EHMT1: variants seen among roughly 807,000 people sequenced by gnomAD.
The protein encoded by EHMT1 is euchromatic histone lysine methyltransferase 1, also known as histone-lysine N-methyltransferase EHMT1.
In EHMT1, 15 loss-of-function variants were observed where a neutral mutation model predicts 147.2. The ratio of observed to expected loss-of-function variants is 0.10; its 90% confidence interval spans 0.07 to 0.16. EHMT1 has a LOEUF of 0.16. Among genes scored for constraint, EHMT1 ranks in the 10% least tolerant of loss-of-function variants. The probability of loss-of-function intolerance (pLI) is 1.00; values close to 1 mark genes in which losing one functional copy is unlikely to be tolerated. For missense variants in EHMT1, 1,587 were observed against 1,772.4 expected, an observed-to-expected ratio of 0.90 and a Z score of 1.88; for synonymous variants, 795 against 709.6, an observed-to-expected ratio of 1.12 and a Z score of -1.91.
At chr9:137,697,831 C>T (rs371934130) in intron 1 of EHMT1, among the ~76,000 whole-genome samples, 5 of 152,316 alleles carry the variant, frequency 3.3e-5, no homozygotes, top group South Asian at 4.1e-4. Flanking sequence ...TTAAGTTTTC[C>T]GTTCAGATGA....
chr9:137,681,737 G>A (rs952328363), intron 1 of EHMT1, among the ~76,000 whole-genome samples: 8 of 152,050 alleles, frequency 5.3e-5, no homozygotes, highest in African/African-American at 1.9e-4. Flanking sequence ...CCTCTGGATC[G>A]CACACACTCA....
intron 2 of EHMT1, among the ~76,000 whole-genome samples, chr9:137,714,247 C>T (rs1944999024): frequency 6.6e-6 from 1 of 152,138 alleles, no homozygotes; most frequent in African/African-American, 2.4e-5. Context: ...CGGGTTTCAC[C>T]TTTAAGTGTG....
chr9:137,781,759 A>AG (rs1951573512), intron 14 of EHMT1, among the ~76,000 whole-genome samples: 2 of 152,214 alleles, frequency 1.3e-5, no homozygotes, highest in Admixed American at 6.5e-5. Flanking sequence ...AGTAAAAAGA[A>AG]GTGAAACTAT....
rs200193532 is a variant in EHMT1 at position 137,742,289 on chromosome 9, T to G, written c.824-1082T>G. 9.8e-3 allele frequency among the ~76,000 whole-genome samples: 1,329 copies of G among 135,204 alleles called. 33 individuals carry two copies. Among genetic ancestry groups the G allele is most frequent in the African/African-American group, 0.037 (1,262 of 34,484 alleles). The allele number at this position is 135,204 out of a possible 152,430, so 88.7% of individuals were successfully genotyped here. On this transcript the variant is annotated intron_variant, in intron 4 of 26. Transcript: ENST00000460843. Reference sequence around the variant, plus strand: ...GCTTCTGCACTTTGTAGAACCAAATTTGTGTGTGTGTGTGTGTGTGTGTGT... The same window carrying G: ...GCTTCTGCACTTTGTAGAACCAAATGTGTGTGTGTGTGTGTGTGTGTGTGT...
chr9:137,764,190 C>G (rs1950056357), intron 10 of EHMT1: 1 of 152,552 alleles, frequency 6.6e-6, no homozygotes, highest in Non-Finnish European at 1.5e-5. Flanking sequence ...TGACTTTTCT[C>G]TCTGTATCTC....
intron 6 of EHMT1, chr9:137,747,809 C>T (rs1302362492): frequency 6.6e-6 from 1 of 151,828 alleles, no homozygotes; most frequent in East Asian, 1.9e-4. Flanking sequence ...GCCCACTGAC[C>T]TCCCATCCCC....
chr9:137,818,588 A>G (rs1271393080), intron 25 of EHMT1, among the ~76,000 whole-genome samples: 2 of 35,648 alleles, frequency 5.6e-5, no homozygotes, highest in Admixed American at 3.9e-4. Context: ...AGAGAGGCCG[A>G]TTGAGGGGCG....
intron 1 of EHMT1, among the ~76,000 whole-genome samples, chr9:137,626,328 C>G (rs1380917306): frequency 6.6e-6 from 1 of 151,620 alleles, no homozygotes; most frequent in Non-Finnish European, 1.5e-5. Flanking sequence ...ATGTCTCAGC[C>G]TGTGCAACAC....
At chr9:137,672,415 C>T (rs558281581) in intron 1 of EHMT1, among the ~76,000 whole-genome samples, 124 of 152,194 alleles carry the variant, frequency 8.1e-4, no homozygotes, top group Non-Finnish European at 1.4e-3. Context: ...AACTCGGTGG[C>T]ATTTTCATAA....
chr9:137,821,182 A>G (rs1388359752), intron 25 of EHMT1, among the ~76,000 whole-genome samples: 1 of 144,468 alleles, frequency 6.9e-6, no homozygotes, highest in East Asian at 2.1e-4. Context: ...GGCTGCGCCC[A>G]GCTAAGTTTT....
At chr9:137,771,384 A>G (rs1950573167) in intron 10 of EHMT1, among the ~76,000 whole-genome samples, 1 of 151,952 alleles carries the variant, frequency 6.6e-6, no homozygotes, top group South Asian at 2.1e-4. Flanking sequence ...GCATTTTAAT[A>G]GAGACGGAGT....
At chr9:137,671,527 T>C (rs534344016) in intron 1 of EHMT1, among the ~76,000 whole-genome samples, 94 of 147,908 alleles carry the variant, frequency 6.4e-4, no homozygotes, top group Middle Eastern at 3.4e-3. Context: ...TTTCTTTTTT[T>C]TTTTTTTTTT....
intron 1 of EHMT1, among the ~76,000 whole-genome samples, chr9:137,669,323 C>A (rs1564562281): frequency 1.4e-5 from 2 of 142,472 alleles, no homozygotes; most frequent in Admixed American, 7.2e-5. Flanking sequence ...GGAAAGACGC[C>A]CCCACAGCAC....
chr9:137,773,700 G>C (rs536784495), intron 10 of EHMT1, among the ~76,000 whole-genome samples: 1 of 152,338 alleles, frequency 6.6e-6, no homozygotes, highest in East Asian at 1.9e-4. Flanking sequence ...AGAACTCACA[G>C]TGATGGTGTG....
Position 137,744,101 on chromosome 9 carries a change from C to T in EHMT1, c.1170+11C>T, listed in dbSNP as rs890312076. 3 of 1,613,700 alleles carry T rather than the reference C, an allele frequency of 1.9e-6. No homozygotes were observed. The African/African-American group carries it at 4.0e-5, about 22-fold the overall frequency. On this transcript the variant is annotated intron_variant, in intron 6 of 26. Coordinates refer to ENST00000460843, the MANE Select transcript of EHMT1 (RefSeq NM_024757.5). Reference sequence around the variant, plus strand: ...GATCGCGCCCAGAAGGTATGTGTTGCTGTCTTGGGTGACAGCACAAGGAAA... The same window carrying T: ...GATCGCGCCCAGAAGGTATGTGTTGTTGTCTTGGGTGACAGCACAAGGAAA...
At chr9:137,745,025 C>G (rs556852301) in intron 6 of EHMT1, among the ~76,000 whole-genome samples, 21 of 152,220 alleles carry the variant, frequency 1.4e-4, no homozygotes, top group Non-Finnish European at 2.5e-4. Context: ...AGTTGACATG[C>G]AAATCTGTGG....
At chr9:137,810,201 C>CGTGGGTGATGG (rs1954329746) in intron 18 of EHMT1, among the ~76,000 whole-genome samples, 1 of 105,596 alleles carries the variant, frequency 9.5e-6, no homozygotes, top group African/African-American at 1.2e-4. Context: ...CCGTGTGGAC[C>CGTGGGTGATGG]GTCGGTGATG....
intron 25 of EHMT1, among the ~76,000 whole-genome samples, chr9:137,824,166 T>C (rs970247053): frequency 6.6e-6 from 1 of 152,158 alleles, no homozygotes; most frequent in Non-Finnish European, 1.5e-5. Context: ...CCAGCACTTC[T>C]GGAGGCCGAG....
chr9:137,732,773 T>G lies in EHMT1; in HGVS notation c.823+4244T>G, dbSNP rs1478831026. Among the ~76,000 whole-genome samples, 1 of 152,162 alleles carries G rather than the reference T, an allele frequency of 6.6e-6. No homozygotes were observed. The highest frequency in any genetic ancestry group is 2.4e-5 in the African/African-American group (1 of 41,434). ...TAGGAATTTGTCTGCCATTATCACT[T>G]TTATTTCTTCAACTGTCACTCCATT... On this transcript the variant is annotated intron_variant, in intron 4 of 26. Coordinates refer to ENST00000460843, the MANE Select transcript of EHMT1 (RefSeq NM_024757.5). The surrounding 1 kb of genome is among the most constrained non-coding windows in gnomAD (Gnocchi z 4.6).
Sources: allele counts gnomAD v4.1 joint callset (sites outside exome capture counted in the v4.1 genomes callset), GRCh38; gene constraint gnomAD v4.1.1; non-coding constraint Gnocchi (gnomAD v3.1); transcripts MANE v1.5; gene names NCBI Gene and HGNC (gene_info 2026-07-23, HGNC 2026-07-21).